The following DAB1 variants were observed in gnomAD, a reference collection of about 807,000 sequenced individuals.
DAB1 encodes DAB adaptor protein 1, also known as disabled homolog 1.
In DAB1, 15 loss-of-function variants were observed where a neutral mutation model predicts 64.6. The ratio of observed to expected loss-of-function variants is 0.23; its 90% CI spans 0.16 to 0.36. DAB1 has a LOEUF of 0.36. Ranked by LOEUF, DAB1 falls within the 10% of genes least tolerant of loss-of-function variation. DAB1 has a pLI of 1.00. For synonymous variants in DAB1, 235 were observed against 251.9 expected (o/e 0.93, Z 0.64); for missense variants, 596 against 706.7 (o/e 0.84, Z 1.78).
At chr1:57,201,876 A>G (rs1238926485) in intron 2 of DAB1, among the ~76,000 whole-genome samples, 2 of 151,924 alleles carry the variant, frequency 1.3e-5, no homozygotes, top group African/African-American at 2.4e-5. Flanking sequence ...GGATGAATGA[A>G]TAAATGCATG....
chr1:58,344,935 C>T (rs1418271868), intron 3 of DAB1, among the ~76,000 whole-genome samples: 1 of 152,134 alleles, frequency 6.6e-6, no homozygotes, highest in Non-Finnish European at 1.5e-5. Context: ...GGTCTTTCAG[C>T]CTCTCTGTTA....
At chr1:57,176,894 C>G (rs539743137) in intron 2 of DAB1, among the ~76,000 whole-genome samples, 1 of 128,456 alleles carries the variant, frequency 7.8e-6, no homozygotes, top group East Asian at 2.3e-4. Flanking sequence ...AAATGCCACC[C>G]AAAAAAGAAC....
At chr1:58,045,065 A>C (rs975323021) in intron 5 of DAB1, among the ~76,000 whole-genome samples, 1 of 152,192 alleles carries the variant, frequency 6.6e-6, no homozygotes, top group Non-Finnish European at 1.5e-5. Context: ...AATCTATATA[A>C]ATATTATAGT....
rs1223775584 is a variant in DAB1 at position 57,036,661 on chromosome 1, G to A, written c.724-10618C>T. Among the ~76,000 whole-genome samples, 3 of 152,030 alleles carry A rather than the reference G, an allele frequency of 2.0e-5. No homozygotes were observed. In the East Asian group the frequency reaches 5.8e-4, roughly 29 times the overall value. ...TACAGATTTTTTTCATACTATCATAGCATGTACACAGTTTTGTATTCTTTT... is the reference window on the plus strand; with the variant it reads ...TACAGATTTTTTTCATACTATCATAACATGTACACAGTTTTGTATTCTTTT... On this transcript the variant is annotated intron_variant, in intron 9 of 14. Transcript: ENST00000371236.
At chr1:58,305,606 A>G (rs1429312931) in intron 4 of DAB1, among the ~76,000 whole-genome samples, 2 of 141,096 alleles carry the variant, frequency 1.4e-5, no homozygotes, top group Admixed American at 7.3e-5. Context: ...CTTACAATGC[A>G]TGCAAAGAAA....
At chr1:58,043,940 C>T (rs749282204) in intron 5 of DAB1, among the ~76,000 whole-genome samples, 11 of 152,146 alleles carry the variant, frequency 7.2e-5, no homozygotes, top group Non-Finnish European at 1.5e-4. Flanking sequence ...GTTGGCCAGG[C>T]TGGTCTTGAA....
At chr1:58,493,018 T>A (rs1287879581) in intron 3 of DAB1, among the ~76,000 whole-genome samples, 1 of 152,134 alleles carries the variant, frequency 6.6e-6, no homozygotes, top group Non-Finnish European at 1.5e-5. Flanking sequence ...AAATCCTCAA[T>A]AAAATACTGG....
At chr1:58,248,488 T>G (rs1660654422) in intron 4 of DAB1, among the ~76,000 whole-genome samples, 1 of 152,110 alleles carries the variant, frequency 6.6e-6, no homozygotes, top group South Asian at 2.1e-4. Context: ...AACCTAGACC[T>G]AGGACCTGTT....
intron 7 of DAB1, among the ~76,000 whole-genome samples, chr1:57,499,906 T>C (rs531956835): frequency 3.9e-5 from 6 of 152,370 alleles, no homozygotes; most frequent in East Asian, 3.9e-4. Context: ...AACTAATTCA[T>C]ATCTGCATTG....
chr1:57,409,116 CT>C (rs1462077476), intron 1 of DAB1, among the ~76,000 whole-genome samples: 2 of 152,168 alleles, frequency 1.3e-5, no homozygotes, highest in Non-Finnish European at 2.9e-5. Context: ...AACTCCTGGC[CT>C]TTTTCCCCAT....
chr1:58,225,710 G>A (rs1377751472), intron 4 of DAB1, among the ~76,000 whole-genome samples: 6 of 150,408 alleles, frequency 4.0e-5, no homozygotes, highest in African/African-American at 1.5e-4. Context: ...ACTATCGCAA[G>A]GACAAAAAAC....
At chr1:58,350,502 C>T (rs1644045144) in intron 3 of DAB1, among the ~76,000 whole-genome samples, 2 of 152,100 alleles carry the variant, frequency 1.3e-5, no homozygotes, top group Non-Finnish European at 2.9e-5. Flanking sequence ...GTTGCCATTG[C>T]TTTTGGTGTT....
chr1:57,944,623 G>A (rs952754181), intron 5 of DAB1, among the ~76,000 whole-genome samples: 1 of 152,164 alleles, frequency 6.6e-6, no homozygotes, highest in Non-Finnish European at 1.5e-5. Context: ...CCAAAAAAAA[G>A]TTCCATGGTT....
At chr1:58,182,865 C>T (rs1656873721) in intron 4 of DAB1, among the ~76,000 whole-genome samples, 1 of 151,752 alleles carries the variant, frequency 6.6e-6, no homozygotes, top group South Asian at 2.1e-4. Flanking sequence ...CTTTGCACAT[C>T]TTGTTTTTTT....
chr1:57,100,432 C>G (rs1394304557), intron 4 of DAB1, among the ~76,000 whole-genome samples: 2 of 152,122 alleles, frequency 1.3e-5, no homozygotes, highest in Admixed American at 1.3e-4. Context: ...ACTGCTGTGT[C>G]TAGGCACTGG....
At chr1:57,008,853 C>T (rs1399180956) in intron 14 of DAB1, among the ~76,000 whole-genome samples, 1 of 152,164 alleles carries the variant, frequency 6.6e-6, no homozygotes, top group African/African-American at 2.4e-5. Flanking sequence ...CAAGATTTCC[C>T]ACTATTAAGT....
At chr1:58,260,657 T>A (rs1259440798) in intron 4 of DAB1, among the ~76,000 whole-genome samples, 5 of 152,212 alleles carry the variant, frequency 3.3e-5, no homozygotes, top group East Asian at 1.9e-4. Context: ...AGTGCTTTTT[T>A]AAAATTTTTC....
intron 5 of DAB1, among the ~76,000 whole-genome samples, chr1:58,032,036 G>C (rs949119968): frequency 2.3e-5 from 3 of 129,954 alleles, no homozygotes; most frequent in South Asian, 4.8e-4. Context: ...GTGTGTGTGT[G>C]TGTTTAATCT....
At chr1:58,219,015 CTCTCTCTCTCTGTG>C (rs886399336) in intron 4 of DAB1, among the ~76,000 whole-genome samples, 7 of 124,218 alleles carry the variant, frequency 5.6e-5, no homozygotes, top group Non-Finnish European at 1.2e-4. Context: ...CTCTCTCTCT[CTCTCTCTCTCTGTG>C]TGTGTGTGTG....
Sources: gnomAD v4.1 joint callset for allele counts (sites outside exome capture counted in the v4.1 genomes callset) on GRCh38, gnomAD v4.1.1 for gene constraint, MANE v1.5 for transcripts, NCBI Gene and HGNC (gene_info 2026-07-23, HGNC 2026-07-21) for gene names.